The following IPO11 variants were observed in gnomAD, a reference collection of about 807,000 sequenced individuals.
IPO11 encodes the protein importin-11.
IPO11 carries 66 observed loss-of-function variants against 143.2 expected under a neutral mutation model. That is an observed-to-expected ratio of 0.46 (90% CI 0.38 to 0.57). The LOEUF (loss-of-function observed/expected upper bound fraction) is 0.57, where lower values mean the gene tolerates loss of function less well. Among genes scored for constraint, IPO11 ranks in the 20% least tolerant of loss-of-function variants. IPO11 has a pLI of 0.00. For synonymous variants in IPO11, 385 were observed against 377.8 expected (o/e 1.02, Z -0.22); for missense variants, 1,026 against 1,141.0 (o/e 0.90, Z 1.45).
At chr5:62,495,164 A>G (rs575145977) in intron 16 of IPO11, among the ~76,000 whole-genome samples, 1 of 152,350 alleles carries the variant, frequency 6.6e-6, no homozygotes, top group Non-Finnish European at 1.5e-5. Flanking sequence ...TTTAAGTACC[A>G]TTCTGTAATT....
intron 26 of IPO11, among the ~76,000 whole-genome samples, chr5:62,554,267 G>A (rs1743491001): frequency 6.6e-6 from 1 of 152,146 alleles, no homozygotes; most frequent in Non-Finnish European, 1.5e-5. Context: ...TCATATAGAA[G>A]CTTTTTAGTT....
chr5:62,447,168 C>T (rs879815827), intron 3 of IPO11, among the ~76,000 whole-genome samples: 1 of 151,896 alleles, frequency 6.6e-6, no homozygotes, highest in Admixed American at 6.6e-5. Flanking sequence ...TGCAGTGATG[C>T]AATCATAGCT....
At chr5:62,557,753 T>TA (rs1156949030) in intron 26 of IPO11, among the ~76,000 whole-genome samples, 1 of 152,230 alleles carries the variant, frequency 6.6e-6, no homozygotes, top group Admixed American at 6.5e-5. Flanking sequence ...TATTCTGGAT[T>TA]AGACATTTGG....
intron 1 of IPO11, among the ~76,000 whole-genome samples, chr5:62,422,941 A>G (rs191783342): frequency 3.9e-5 from 6 of 152,324 alleles, no homozygotes; most frequent in Non-Finnish European, 7.3e-5. Context: ...GGTGTTCAGT[A>G]TATATTTATT....
At chr5:62,433,462 A>G (rs1168464529) in intron 1 of IPO11, among the ~76,000 whole-genome samples, 14 of 152,228 alleles carry the variant, frequency 9.2e-5, no homozygotes, top group Admixed American at 9.2e-4. Flanking sequence ...GGTATGGTAG[A>G]AACGTACTTT....
rs1580257512 is a variant in IPO11 at position 62,504,652 on chromosome 5, T to C, written c.1591-15T>C. ...TTCTAAAATAATTAAAAACTAATGA[T>C]ATACTTTCTTTTAGGTCCGTATTGA... On this transcript the variant is annotated splice_polypyrimidine_tract_variant and intron_variant, in intron 16 of 29. Coordinates refer to ENST00000325324, the MANE Select transcript of IPO11 (RefSeq NM_016338.5). 2 of 1,403,526 alleles carry C rather than the reference T, an allele frequency of 1.4e-6. No homozygotes were observed. The highest frequency in any genetic ancestry group is 2.4e-5 in the East Asian group (1 of 41,954). 86.9% of individuals were successfully genotyped at this position (1,403,526 alleles called of 1,614,324 possible).
chr5:62,608,240 C>A (rs1211452890), intron 29 of IPO11, among the ~76,000 whole-genome samples: 2 of 152,124 alleles, frequency 1.3e-5, no homozygotes, highest in Non-Finnish European at 2.9e-5. Flanking sequence ...TATCTGGAGC[C>A]CTACAATTTT....
At chr5:62,515,350 A>G (rs1449084297) in intron 19 of IPO11, 38 bp from the exon 20 acceptor site, 2 of 1,435,632 alleles carry the variant, frequency 1.4e-6, no homozygotes, top group African/African-American at 1.4e-5. Context: ...TTCTTTACCA[A>G]TAAAATTTTG....
intron 29 of IPO11, among the ~76,000 whole-genome samples, chr5:62,602,601 A>G (rs766439315): frequency 6.3e-4 from 96 of 152,186 alleles, no homozygotes; most frequent in Non-Finnish European, 1.3e-3. Flanking sequence ...TTACTCTGTA[A>G]GAGTTAGCTG....
At chr5:62,568,030 A>G (rs1176899956) in intron 27 of IPO11, among the ~76,000 whole-genome samples, 5 of 151,980 alleles carry the variant, frequency 3.3e-5, no homozygotes, top group African/African-American at 9.7e-5. Flanking sequence ...CAGTGGCACA[A>G]TCATGGCTCA....
At chr5:62,552,838 C>T (rs1743433457) in intron 26 of IPO11, among the ~76,000 whole-genome samples, 1 of 152,066 alleles carries the variant, frequency 6.6e-6, no homozygotes, top group Admixed American at 6.6e-5. Context: ...TTAATTGACA[C>T]ATAATAGTTG....
At chr5:62,585,382 T>G (rs1009402245) in intron 27 of IPO11, among the ~76,000 whole-genome samples, 5 of 152,284 alleles carry the variant, frequency 3.3e-5, no homozygotes, top group African/African-American at 1.2e-4. Context: ...TGTAGTCTTA[T>G]TATAAATGCT....
Position 62,494,025 on chromosome 5 carries a change from T to A in IPO11, c.1491T>A (p.Ile497=). Residue 497 remains isoleucine, a synonymous_variant, in exon 16 of 30, where the codon ATT becomes ATA. Coordinates refer to ENST00000325324, the MANE Select transcript of IPO11 (RefSeq NM_016338.5). ...NRYKPLRRRV[I]WLIGQWISVK... ...ATAAGCCATTGCGACGCAGGGTGAT[T>A]TGGCTCATCGGTCAGTGGATTTCTG... 1 of 1,613,198 alleles carries A rather than the reference T, an allele frequency of 6.2e-7. No individual in the cohort carries two copies. Among genetic ancestry groups the A allele is most frequent in the Non-Finnish European group, 8.5e-7 (1 of 1,179,472 alleles).
chr5:62,435,154 A>ATATATGTATATATGTATATATG, intron 1 of IPO11, among the ~76,000 whole-genome samples: 1 of 62,706 alleles, frequency 1.6e-5, no homozygotes, highest in South Asian at 4.6e-4. Context: ...GTATATATGT[A>ATATATGTATATATGTATATATG]TATATATGTA....
At chr5:62,573,894 T>C (rs1322145821) in intron 27 of IPO11, among the ~76,000 whole-genome samples, 1 of 152,176 alleles carries the variant, frequency 6.6e-6, no homozygotes, top group Non-Finnish European at 1.5e-5. Context: ...CATTGAGAGT[T>C]CCCTTAGGGG....
In IPO11 at chr5:62,476,754, G is replaced by A. The variant is rs201173931; in HGVS notation, c.828+1G>A. ...GACCATCATTCTTTTTACTAAAGTG[G>A]TAAGTTTTTTAAAAACTTGTTTTCT... On this transcript the variant is annotated splice_donor_variant, in intron 9 of 29. Coordinates refer to ENST00000325324, the MANE Select transcript of IPO11 (RefSeq NM_016338.5). LOFTEE classifies it high-confidence loss of function. 1.3e-6 allele frequency: 2 copies of A among 1,512,054 alleles called. No homozygotes were observed. Among genetic ancestry groups the A allele is most frequent in the Admixed American group, 2.3e-5 (1 of 43,306 alleles). 93.7% of individuals were successfully genotyped at this position (1,512,054 alleles called of 1,614,324 possible).
intron 24 of IPO11, among the ~76,000 whole-genome samples, chr5:62,542,627 C>A (rs559824733): frequency 4.6e-4 from 70 of 152,192 alleles, no homozygotes; most frequent in Middle Eastern, 3.4e-3. Context: ...CAGAAAGTTA[C>A]AATGTTAGGA....
Position 62,494,108 on chromosome 5 carries a change from A to C in IPO11, c.1574A>C (p.Gln525Pro), listed in dbSNP as rs1741044420. The change falls in exon 16 of 30, where the codon CAA becomes CCA. Residue 525 changes from glutamine to proline, a missense_variant. Around this residue, in one of 5 missense-constraint regions of IPO11, gnomAD observed 237 missense variants for 288.0 expected, o/e 0.82. Transcript: ENST00000325324. ...TATGAAGCAATCTGTAACTTGCTTC[A>C]AGATCAAGATTTAGTGGTATGTTTC... ...MLYEAICNLL[Q>P]DQDLVVRIET... 2.5e-6 allele frequency: 4 copies of C among 1,611,154 alleles called. No individual in the cohort carries two copies. The highest frequency in any genetic ancestry group is 3.4e-6 in the Non-Finnish European group (4 of 1,178,898).
At chr5:62,478,535 A>C (rs1746052636) in intron 9 of IPO11, among the ~76,000 whole-genome samples, 1 of 152,256 alleles carries the variant, frequency 6.6e-6, no homozygotes, top group Non-Finnish European at 1.5e-5. Flanking sequence ...GCTTCTTAAT[A>C]TCATTTAAAT....
Sources: gnomAD v4.1 joint callset for allele counts (sites outside exome capture counted in the v4.1 genomes callset) on GRCh38, gnomAD v4.1.1 for gene constraint, gnomAD v4.1.1 regional missense constraint, MANE v1.5 for transcripts, NCBI Gene and HGNC (gene_info 2026-07-23, HGNC 2026-07-21) for gene names.